GNAL: variants seen among roughly 807,000 people sequenced by gnomAD.
The protein encoded by GNAL is guanine nucleotide-binding protein G(olf) subunit alpha.
Under a neutral mutation model 55.1 loss-of-function variants are expected in GNAL, and 18 were observed. The observed-to-expected ratio is 0.33, with a 90% confidence interval of 0.23 to 0.48. GNAL has a LOEUF of 0.48. Among genes scored for constraint, GNAL ranks in the 20% least tolerant of loss-of-function variants. GNAL has a pLI of 0.99. For missense variants in GNAL, 412 were observed against 614.1 expected (o/e 0.67, Z 3.48); for synonymous variants, 253 against 237.0 (o/e 1.07, Z -0.62).
intron 1 of GNAL, among the ~76,000 whole-genome samples, chr18:11,712,415 T>A (rs1434390688): frequency 1.3e-5 from 2 of 152,232 alleles, no homozygotes; most frequent in East Asian, 3.9e-4. Flanking sequence ...TGGAGTACTG[T>A]GACTTCTTAA....
At chr18:11,744,521 AAG>A (rs1450807575) in intron 1 of GNAL, among the ~76,000 whole-genome samples, 1 of 152,162 alleles carries the variant, frequency 6.6e-6, no homozygotes. Flanking sequence ...TAAGAAAAAA[AAG>A]AGAGATAAAA....
chr18:11,768,419 T>A (rs1179523715), intron 4 of GNAL, among the ~76,000 whole-genome samples: 1 of 152,034 alleles, frequency 6.6e-6, no homozygotes, highest in African/African-American at 2.4e-5. Flanking sequence ...CTGACCAACA[T>A]GGAGAAACCC....
intron 5 of GNAL, chr18:11,853,968 G>T: frequency 6.0e-6 from 1 of 165,444 alleles, no homozygotes. Context: ...AATTACAGGT[G>T]TGCACCACCA....
intron 5 of GNAL, among the ~76,000 whole-genome samples, chr18:11,858,600 C>T (rs1414250561): frequency 6.6e-6 from 1 of 152,140 alleles, no homozygotes; most frequent in Non-Finnish European, 1.5e-5. Context: ...CCAGTTGAAA[C>T]AAGGATCAAG....
At chr18:11,730,299 A>G (rs533285604) in intron 1 of GNAL, among the ~76,000 whole-genome samples, 1 of 151,490 alleles carries the variant, frequency 6.6e-6, no homozygotes, top group Non-Finnish European at 1.5e-5. Context: ...AGCTGGGATT[A>G]CAGGTGCCGG....
At chr18:11,829,776 G>A (rs1439239258) in intron 5 of GNAL, among the ~76,000 whole-genome samples, 3 of 152,196 alleles carry the variant, frequency 2.0e-5, no homozygotes, top group South Asian at 2.1e-4. Context: ...TTGGGAGGCC[G>A]AGGCGGGTAG....
intron 5 of GNAL, among the ~76,000 whole-genome samples, chr18:11,855,318 G>A (rs1263230013): frequency 1.3e-5 from 2 of 152,038 alleles, no homozygotes; most frequent in African/African-American, 4.8e-5. Flanking sequence ...CACCAAAGAT[G>A]GATATAATTT....
chr18:11,861,515 G>A (rs2036137284), intron 5 of GNAL, among the ~76,000 whole-genome samples: 1 of 152,224 alleles, frequency 6.6e-6, no homozygotes, highest in Non-Finnish European at 1.5e-5. Context: ...TGCCCTGAGG[G>A]CCTAACATGT....
At chr18:11,795,017 A>T (rs1399049762) in intron 4 of GNAL, among the ~76,000 whole-genome samples, 1 of 151,948 alleles carries the variant, frequency 6.6e-6, no homozygotes, top group Non-Finnish European at 1.5e-5. Context: ...TAATTTTTGT[A>T]TTTTTAGTAG....
At chr18:11,779,037 C>T (rs549072090) in intron 4 of GNAL, among the ~76,000 whole-genome samples, 1 of 152,030 alleles carries the variant, frequency 6.6e-6, no homozygotes, top group East Asian at 1.9e-4. Flanking sequence ...AAAATAGGTT[C>T]TTGAGAAAGG....
At chr18:11,800,429 G>A (rs2034494185) in intron 4 of GNAL, among the ~76,000 whole-genome samples, 1 of 152,210 alleles carries the variant, frequency 6.6e-6, no homozygotes, top group Non-Finnish European at 1.5e-5. Context: ...TCATAATTAA[G>A]AATTCTACAG....
At chr18:11,754,497 G>A (rs1317922883) in intron 4 of GNAL, among the ~76,000 whole-genome samples, 1 of 152,104 alleles carries the variant, frequency 6.6e-6, no homozygotes, top group African/African-American at 2.4e-5. Flanking sequence ...TAATCGGGAA[G>A]GCAGCATACC....
At chr18:11,829,203 T>C (rs2035320277) in intron 5 of GNAL, among the ~76,000 whole-genome samples, 1 of 152,228 alleles carries the variant, frequency 6.6e-6, no homozygotes, top group Non-Finnish European at 1.5e-5. Flanking sequence ...GTTTCAGCTT[T>C]CTGAACCCTG....
rs540269966 is a variant in GNAL at position 11,706,871 on chromosome 18, T to TCAAG, written c.376+16933_376+16934insAAGC. Among the ~76,000 whole-genome samples the TCAAG allele has an allele frequency of 8.5e-4, 130 of 152,342 alleles. No homozygotes were observed. The Middle Eastern group carries it at 0.02, about 24-fold the overall frequency. ...TCTCCAGTTACTTCCTTTACTAAAG[T>TCAAG]CTTGAATCCCTCAAAGCAATCCATG... On this transcript the variant is annotated intron_variant, in intron 1 of 11. Coordinates refer to ENST00000334049, the MANE Select transcript of GNAL (RefSeq NM_182978.4).
At chr18:11,756,293 A>G (rs2033053066) in intron 4 of GNAL, among the ~76,000 whole-genome samples, 1 of 152,234 alleles carries the variant, frequency 6.6e-6, no homozygotes, top group Admixed American at 6.5e-5. Context: ...CTTTGAATGC[A>G]TGTATTTTCA....
chr18:11,709,253 C>G (rs1236952151), intron 1 of GNAL, among the ~76,000 whole-genome samples: 1 of 147,036 alleles, frequency 6.8e-6, no homozygotes, highest in Non-Finnish European at 1.5e-5. Context: ...CTTTGTTCTT[C>G]TTTCTCAAGA....
At chr18:11,862,538 G>A in intron 6 of GNAL, 89 bp downstream of exon 6, 2 of 1,154,656 alleles carry the variant, frequency 1.7e-6, no homozygotes, top group East Asian at 2.4e-5. Context: ...AATGAATTAA[G>A]GAAAAATCCT....
At chr18:11,716,686 C>T (rs1050641917) in intron 1 of GNAL, among the ~76,000 whole-genome samples, 2 of 152,196 alleles carry the variant, frequency 1.3e-5, no homozygotes, top group African/African-American at 2.4e-5. Context: ...CGAAGGTTCT[C>T]CAAGTACCCA....
intron 4 of GNAL, among the ~76,000 whole-genome samples, chr18:11,776,657 G>A (rs775090618): frequency 2.7e-5 from 4 of 147,204 alleles, no homozygotes; most frequent in East Asian, 2.0e-4. Context: ...GCAGTGAGCC[G>A]TGATTGCACC....
Sources: gnomAD v4.1 joint callset for allele counts (sites outside exome capture counted in the v4.1 genomes callset) on GRCh38, gnomAD v4.1.1 for gene constraint, MANE v1.5 for transcripts, NCBI Gene and HGNC (gene_info 2026-07-23, HGNC 2026-07-21) for gene names.